The following ADD1 variants were observed in gnomAD, a reference collection of about 807,000 sequenced individuals.
ADD1 encodes alpha-adducin.
In ADD1, 24 loss-of-function variants were observed where a neutral mutation model predicts 80.5. The ratio of observed to expected loss-of-function variants is 0.30; its 90% CI spans 0.22 to 0.42. ADD1 has a LOEUF of 0.42. ADD1 is among the 10% of genes least tolerant of loss of function. The pLI is 1.00. For synonymous variants in ADD1, 373 were observed against 393.8 expected, an observed-to-expected ratio of 0.95 and a Z score of 0.63; for missense variants, 948 against 1,019.0, an observed-to-expected ratio of 0.93 and a Z score of 0.95.
At chr4:2,890,508 G>A (rs1734127354) in intron 4 of ADD1, among the ~76,000 whole-genome samples, 1 of 152,110 alleles carries the variant, frequency 6.6e-6, no homozygotes, top group Non-Finnish European at 1.5e-5. Flanking sequence ...CCAGGTTCAC[G>A]CCATTCTCCT....
intron 8 of ADD1, chr4:2,898,903 G>T (rs1735710580): frequency 7.9e-6 from 3 of 380,418 alleles, no homozygotes; most frequent in African/African-American, 2.1e-5. Flanking sequence ...TCAGAGACTT[G>T]CCTGCAGCTT....
intron 4 of ADD1, among the ~76,000 whole-genome samples, chr4:2,889,360 A>G (rs1042264297): frequency 1.3e-5 from 2 of 152,210 alleles, no homozygotes; most frequent in Non-Finnish European, 2.9e-5. Flanking sequence ...TAAAGATTAA[A>G]TGTGAAATGC....
chr4:2,885,820 C>T (rs1258061652), intron 4 of ADD1, among the ~76,000 whole-genome samples: 6 of 151,476 alleles, frequency 4.0e-5, no homozygotes, highest in South Asian at 2.1e-4. Context: ...CCGTGTTAGC[C>T]AGGATGGTCT....
chr4:2,923,665 T>A (rs1740473160), intron 14 of ADD1, among the ~76,000 whole-genome samples: 2 of 152,266 alleles, frequency 1.3e-5, no homozygotes. Context: ...GGGAGAGACC[T>A]CCTTTACTCA....
intron 3 of ADD1, among the ~76,000 whole-genome samples, chr4:2,882,693 G>A (rs149211738): frequency 3.3e-5 from 5 of 152,178 alleles, no homozygotes; most frequent in Non-Finnish European, 7.3e-5. Context: ...CTATTTACCT[G>A]TCTGCTCTGT....
chr4:2,926,247 T>G lies in ADD1; in HGVS notation c.2047+135T>G. The G allele has an allele frequency of 1.3e-6, 1 of 798,634 alleles. No homozygotes were observed. The highest frequency in any genetic ancestry group is 1.7e-5 in the African/African-American group (1 of 58,942). The allele number at this position is 798,634 out of a possible 1,614,324, so 49.5% of individuals were successfully genotyped here. A position where few individuals can be genotyped will look rare whatever the true frequency, so the allele number is the denominator to read the frequency against. On this transcript the variant is annotated intron_variant, in intron 15 of 15. Coordinates refer to ENST00000683351, the MANE Select transcript of ADD1 (RefSeq NM_001354761.2). This position sits in a 1 kb window ranked among gnomAD's most constrained non-coding sequence, Gnocchi z 5.0. ...GCATCAGCGCCAGGACGTGACACCT[T>G]TCTCCTCCTATATTGCTTCTGTCCT...
intron 14 of ADD1, among the ~76,000 whole-genome samples, chr4:2,921,351 A>C (rs1222541578): frequency 1.3e-5 from 2 of 152,214 alleles, no homozygotes; most frequent in South Asian, 2.1e-4. Context: ...GATGGTCTCG[A>C]TCTCTTGTCC....
chr4:2,895,350 T>C (rs1373507507), intron 6 of ADD1, among the ~76,000 whole-genome samples: 1 of 151,650 alleles, frequency 6.6e-6, no homozygotes, highest in Non-Finnish European at 1.5e-5. Flanking sequence ...ACGTGCAAAA[T>C]GACATCAGTA....
intron 1 of ADD1, among the ~76,000 whole-genome samples, chr4:2,865,622 G>A (rs922908616): frequency 3.3e-5 from 5 of 152,108 alleles, no homozygotes; most frequent in Non-Finnish European, 7.4e-5. Context: ...CTGCCTGTTT[G>A]TTTTTTGTGG....
Position 2,917,750 on chromosome 4 carries a change from G to A in ADD1, c.1948+2710G>A, listed in dbSNP as rs185066276. On this transcript the variant is annotated intron_variant, in intron 14 of 15. Coordinates refer to ENST00000683351, the MANE Select transcript of ADD1 (RefSeq NM_001354761.2). ...TCAGTTTTATGCATATGGCTATCCA[G>A]TTTTCCTAACACCATTTATTAAATA... is the stretch of plus-strand genomic sequence containing the variant. 1.1e-3 allele frequency among the ~76,000 whole-genome samples: 167 copies of A among 152,322 alleles called. 1 individual carries two copies. The highest frequency in any genetic ancestry group is 3.6e-3 in the Admixed American group (55 of 15,296).
chr4:2,876,322 G>C (rs1731284495), intron 2 of ADD1: 3 of 419,116 alleles, frequency 7.2e-6, no homozygotes, highest in Non-Finnish European at 1.2e-5. Context: ...TAAAGGATAG[G>C]AAGTGTTAAT....
chr4:2,883,965 C>T (rs540672931), intron 3 of ADD1, among the ~76,000 whole-genome samples: 104 of 152,334 alleles, frequency 6.8e-4, no homozygotes, highest in African/African-American at 2.4e-3. Context: ...GCCACCGCGC[C>T]CAGCCCATAT....
At chr4:2,905,133 A>C in intron 10 of ADD1, 25 bp downstream of exon 10, 1 of 1,608,742 alleles carries the variant, frequency 6.2e-7, no homozygotes, top group Non-Finnish European at 8.5e-7. Context: ...TACTGTTCAT[A>C]GTTAGATGAC....
chr4:2,880,471 T>A (rs1400306338), intron 2 of ADD1, among the ~76,000 whole-genome samples: 1 of 117,332 alleles, frequency 8.5e-6, no homozygotes, highest in Non-Finnish European at 1.8e-5. Flanking sequence ...TTCTTTTTTT[T>A]TTTTTTTTTT....
At position 2,926,050 on chromosome 4, in the gene ADD1, G is replaced by A; in HGVS notation, c.1985G>A (p.Ser662Asn). The stretch of plus-strand genomic sequence containing the variant: ...GAGGCTAGAGAACAGAAAGAAAAGA[G>A]TCCTCCAGACCAGCCTGCGGTCCCC... The part of the protein sequence containing the change: ...LDEAREQKEK[S>N]PPDQPAVPHP... The change falls in exon 15 of 16, where the codon AGT becomes AAT. Residue 662 changes from serine to asparagine, a missense_variant. Transcript: ENST00000683351. This position sits in a 1 kb window ranked among gnomAD's most constrained non-coding sequence, Gnocchi z 5.0. The A allele has an allele frequency of 6.2e-7, 1 of 1,614,152 alleles. No homozygotes were observed. Among genetic ancestry groups the A allele is most frequent in the South Asian group, 1.1e-5 (1 of 91,086 alleles).
intron 9 of ADD1, chr4:2,903,059 A>T (rs546151800): frequency 1.3e-5 from 2 of 152,214 alleles, no homozygotes; most frequent in Non-Finnish European, 2.9e-5. Flanking sequence ...AAATAAAAAA[A>T]ATATTGAAAG....
At chr4:2,847,408 C>A (rs1200159700) in intron 1 of ADD1, among the ~76,000 whole-genome samples, 20 of 148,058 alleles carry the variant, frequency 1.4e-4, no homozygotes, top group Non-Finnish European at 1.3e-4. Context: ...AACTCCGTCT[C>A]AAAAAAAAAA....
At chr4:2,850,540 C>T (rs1265611013) in intron 1 of ADD1, among the ~76,000 whole-genome samples, 1 of 152,194 alleles carries the variant, frequency 6.6e-6, no homozygotes, top group Admixed American at 6.5e-5. Context: ...ATTCTCCTGC[C>T]TCAGCCTCCT....
At chr4:2,897,437 A>G (rs1363468496) in intron 6 of ADD1, among the ~76,000 whole-genome samples, 3 of 149,330 alleles carry the variant, frequency 2.0e-5, no homozygotes, top group Non-Finnish European at 4.4e-5. Flanking sequence ...ATATATACAA[A>G]CTTGTATAAA....
Sources: allele counts gnomAD v4.1 joint callset (sites outside exome capture counted in the v4.1 genomes callset), GRCh38; gene constraint gnomAD v4.1.1; non-coding constraint Gnocchi (gnomAD v3.1); transcripts MANE v1.5; gene names NCBI Gene and HGNC (gene_info 2026-07-23, HGNC 2026-07-21).